Variants in UGCG observed in about 807,000 individuals in gnomAD.
The protein encoded by UGCG is UDP-glucose ceramide glucosyltransferase, also known as ceramide glucosyltransferase.
Under a neutral mutation model 49.5 loss-of-function variants are expected in UGCG, and 10 were observed. That is an observed-to-expected ratio of 0.20 (90% CI 0.12 to 0.34). The LOEUF is 0.34. Among genes scored for constraint, UGCG ranks in the 10% least tolerant of loss-of-function variants. The pLI is 1.00. For missense variants in UGCG, 312 were observed against 483.7 expected (o/e 0.65, Z 3.33); for synonymous variants, 182 against 158.2 (o/e 1.15, Z -1.13).
At chr9:111,897,433 T>C (rs1177760099) in intron 1 of UGCG, 120 bp downstream of exon 1, 8 of 757,134 alleles carry the variant, frequency 1.1e-5, no homozygotes, top group Non-Finnish European at 1.7e-5. Flanking sequence ...AGAAAGCTGA[T>C]CGTCAGGCTG....
intron 2 of UGCG, among the ~76,000 whole-genome samples, chr9:111,922,500 G>A (rs1777015958): frequency 6.6e-6 from 1 of 152,176 alleles, no homozygotes; most frequent in African/African-American, 2.4e-5. Flanking sequence ...TAGGCACCCT[G>A]TGAGCAGTTA....
intron 1 of UGCG, among the ~76,000 whole-genome samples, chr9:111,911,426 C>A (rs1837992247): frequency 6.6e-6 from 1 of 151,900 alleles, no homozygotes. Context: ...TCATATATAC[C>A]ATAAATGTGT....
intron 1 of UGCG, among the ~76,000 whole-genome samples, chr9:111,901,109 C>G (rs1837762757): frequency 6.6e-6 from 1 of 152,174 alleles, no homozygotes; most frequent in African/African-American, 2.4e-5. Flanking sequence ...AGCCACTGCG[C>G]CCAACCCAAA....
At chr9:111,905,684 C>T (rs988393700) in intron 1 of UGCG, among the ~76,000 whole-genome samples, 2 of 152,034 alleles carry the variant, frequency 1.3e-5, no homozygotes, top group Admixed American at 6.5e-5. Flanking sequence ...GAACTCCTGA[C>T]CTCAGGTGAT....
chr9:111,906,765 G>A (rs1055144480), intron 1 of UGCG, among the ~76,000 whole-genome samples: 8 of 152,086 alleles, frequency 5.3e-5, no homozygotes, highest in Non-Finnish European at 8.8e-5. Context: ...TGGTTTGTGT[G>A]CTTGTCTCTT....
At position 111,924,780 on chromosome 9, in the gene UGCG, G is replaced by A. The variant is rs1183925489; in HGVS notation, c.347G>A (p.Gly116Asp). The A allele has an allele frequency of 6.6e-7, 1 of 1,515,656 alleles. No individual in the cohort carries two copies. The highest frequency in any genetic ancestry group is 8.8e-7 in the Non-Finnish European group (1 of 1,136,880). The allele number at this position is 1,515,656 out of a possible 1,614,324, so 93.9% of individuals were successfully genotyped here. Reference sequence around the variant, plus strand: ...TACTGTACCTTTACATTTTTAGGTGGCAAAAAAGTTGGCATTAATCCTAAA... The same window carrying A: ...TACTGTACCTTTACATTTTTAGGTGACAAAAAAGTTGGCATTAATCCTAAA... ...PNVDARLFIG[G>D]KKVGINPKIN... Residue 116 changes from glycine (G) to aspartate (D), a missense_variant, in exon 4 of 9, where the codon GGC (glycine) becomes GAC (aspartate). By Grantham distance (94) the Gly-to-Asp change is moderately conservative (BLOSUM62 -1). This residue lies in a region of UGCG where 64 missense variants were observed against 67.6 expected (regional missense o/e 0.95). Coordinates refer to ENST00000374279, the MANE Select transcript of UGCG (RefSeq NM_003358.3).
chr9:111,906,987 C>G lies in UGCG; in HGVS notation c.99-7618C>G, dbSNP rs966900138. 4.6e-5 allele frequency among the ~76,000 whole-genome samples: 7 copies of G among 152,176 alleles called. No homozygotes were observed. The East Asian group carries it at 1.2e-3, about 25-fold the overall frequency. Reference sequence around the variant, plus strand: ...AGCAGAGATGAGTCTTAAAGCAGTGCTGCTCAAGCTTGAGTGTGCCTGTGA... The same window carrying G: ...AGCAGAGATGAGTCTTAAAGCAGTGGTGCTCAAGCTTGAGTGTGCCTGTGA... On this transcript the variant is annotated intron_variant, in intron 1 of 8. Transcript: ENST00000374279.
chr9:111,906,218 A>T (rs1837879710), intron 1 of UGCG, among the ~76,000 whole-genome samples: 1 of 152,138 alleles, frequency 6.6e-6, no homozygotes, highest in Non-Finnish European at 1.5e-5. Context: ...TCGTATGTTC[A>T]AAAGTTCATT....
In UGCG at chr9:111,932,841, T is replaced by G; in HGVS notation, c.1029T>G (p.Cys343Trp). Residue 343 changes from cysteine to tryptophan, a missense_variant, in exon 9 of 9, where the codon TGT becomes TGG. By Grantham distance (215) the Cys-to-Trp change is radical (BLOSUM62 -2). Around this residue, in one of 4 missense-constraint regions of UGCG, gnomAD observed 180 missense variants for 320.4 expected, o/e 0.56. Transcript: ENST00000374279. ...QLRGVQGGTL[C>W]FSKLDYAVAW... ...TCCATTCCTAGGGTGGCACACTGTG[T>G]TTTTCAAAACTTGATTATGCAGTCG... 6.3e-7 allele frequency: 1 copy of G among 1,598,550 alleles called. No homozygotes were observed. Among genetic ancestry groups the G allele is most frequent in the Non-Finnish European group, 8.5e-7 (1 of 1,171,686 alleles).
intron 2 of UGCG, 152 bp downstream of exon 2, chr9:111,914,898 T>C (rs979978175): frequency 2.6e-6 from 3 of 1,133,086 alleles, no homozygotes; most frequent in Non-Finnish European, 3.6e-6. Context: ...GTAGTAGTCA[T>C]CACAGAACAG....
chr9:111,932,218 G>A lies in UGCG; in HGVS notation c.873G>A (p.Glu291=). 6.2e-7 allele frequency: 1 copy of A among 1,614,114 alleles called. No individual in the cohort carries two copies. The highest frequency in any genetic ancestry group is 8.5e-7 in the Non-Finnish European group (1 of 1,180,022). ...TGCTTCCTGCTACAATAATTTGTGA[G>A]CCAATTTCAGAATGCTTTGTTGCCA... ...INMLPATIIC[E]PISECFVASL... The change falls in exon 8 of 9, where the codon GAG becomes GAA. Residue 291 remains glutamate, a synonymous_variant. Coordinates refer to ENST00000374279, the MANE Select transcript of UGCG (RefSeq NM_003358.3).
intron 4 of UGCG, among the ~76,000 whole-genome samples, 163 bp from the exon 5 acceptor site, chr9:111,926,221 C>T (rs1838309794): frequency 6.6e-6 from 1 of 152,182 alleles, no homozygotes; most frequent in Admixed American, 6.5e-5. Flanking sequence ...GTATTCTCCT[C>T]AGAAAGGTGG....
At chr9:111,918,351 A>C (rs549270933) in intron 2 of UGCG, among the ~76,000 whole-genome samples, 4 of 152,270 alleles carry the variant, frequency 2.6e-5, no homozygotes, top group African/African-American at 9.6e-5. Flanking sequence ...CTGATTTAAC[A>C]ATTTTAATAC....
Position 111,915,330 on chromosome 9 carries a change from T to C in UGCG, c.240+584T>C, listed in dbSNP as rs537974676. The stretch of plus-strand genomic sequence containing the variant: ...CAGTGTACTCCCTTAATTGGAGACC[T>C]TCCAGTTTTCTTGAGATGAAAGTAT... On this transcript the variant is annotated intron_variant, in intron 2 of 8. Coordinates refer to ENST00000374279, the MANE Select transcript of UGCG (RefSeq NM_003358.3). Among the ~76,000 whole-genome samples, 467 of 152,370 alleles carry C rather than the reference T, an allele frequency of 3.1e-3. 3 individuals are homozygous for C. Among genetic ancestry groups the C allele is most frequent in the African/African-American group, 0.011 (454 of 41,586 alleles).
intron 1 of UGCG, among the ~76,000 whole-genome samples, chr9:111,910,582 A>G (rs1837978019): frequency 6.6e-6 from 1 of 152,142 alleles, no homozygotes; most frequent in Non-Finnish European, 1.5e-5. Context: ...TGTAACTGTC[A>G]TTCCTAGAAC....
intron 2 of UGCG, 97 bp from the exon 3 acceptor site, chr9:111,922,752 T>A: frequency 1.4e-6 from 1 of 739,748 alleles, no homozygotes; most frequent in Non-Finnish European, 2.1e-6. Context: ...ATAATACAGT[T>A]GCTTGTTTTT....
Position 111,926,373 on chromosome 9 carries a change from T to G in UGCG, c.446-11T>G. 6.3e-7 allele frequency: 1 copy of G among 1,583,298 alleles called. No homozygotes were observed. The highest frequency in any genetic ancestry group is 8.6e-7 in the Non-Finnish European group (1 of 1,163,110). On this transcript the variant is annotated splice_polypyrimidine_tract_variant and intron_variant, in intron 4 of 8. Coordinates refer to ENST00000374279, the MANE Select transcript of UGCG (RefSeq NM_003358.3). ...TTTTCTCCCCCTCTCTGCCTTTTTT[T>G]TAAATTGTAGTAATTCCAGATACGC...
chr9:111,898,953 G>T (rs950296088), intron 1 of UGCG, among the ~76,000 whole-genome samples: 1 of 152,340 alleles, frequency 6.6e-6, no homozygotes, highest in East Asian at 1.9e-4. Flanking sequence ...TGCTGGAAGA[G>T]TGAAGAACAA....
rs559478063 is a variant in UGCG, at chr9:111,917,736, G to A, written c.240+2990G>A. 1.2e-3 allele frequency among the ~76,000 whole-genome samples: 181 copies of A among 152,208 alleles called. 1 individual carries two copies. Among genetic ancestry groups the A allele is most frequent in the Non-Finnish European group, 8.8e-5 (6 of 68,016 alleles). On this transcript the variant is annotated intron_variant, in intron 2 of 8. Coordinates refer to ENST00000374279, the MANE Select transcript of UGCG (RefSeq NM_003358.3). ...ACTAGTTGCTCTGAAAGATCTCTGC[G>A]CTGTATTCATCTTACAAGTCTACTT...
Sources: gnomAD v4.1 joint callset for allele counts (sites outside exome capture counted in the v4.1 genomes callset) on GRCh38, gnomAD v4.1.1 for gene constraint, gnomAD v4.1.1 regional missense constraint, MANE v1.5 for transcripts, NCBI Gene and HGNC (gene_info 2026-07-23, HGNC 2026-07-21) for gene names.